Variants in PRMT3 observed in about 807,000 individuals in gnomAD.
PRMT3 encodes the protein protein arginine methyltransferase 3.
Under a neutral mutation model 71.9 loss-of-function variants are expected in PRMT3, and 62 were observed. That is an observed-to-expected ratio of 0.86 (90% CI 0.70 to 1.07). The LOEUF (loss-of-function observed/expected upper bound fraction) is 1.07, where lower values mean the gene tolerates loss of function less well. Ranked by LOEUF, PRMT3 falls within the 50% of genes least tolerant of loss-of-function variation. The pLI, the probability that PRMT3 is intolerant of heterozygous loss-of-function variation, is 0.00. For missense variants in PRMT3, 663 were observed against 643.0 expected, an observed-to-expected ratio of 1.03 and a Z score of -0.34; for synonymous variants, 213 against 220.4, an observed-to-expected ratio of 0.97 and a Z score of 0.30.
intron 9 of PRMT3, among the ~76,000 whole-genome samples, chr11:20,420,246 T>G (rs1020911363): frequency 2.0e-5 from 3 of 152,280 alleles, no homozygotes; most frequent in Admixed American, 2.0e-4. Context: ...TGGTTAAATA[T>G]GAGAAAATCA....
chr11:20,467,668 C>G (rs1319298749), intron 13 of PRMT3, among the ~76,000 whole-genome samples: 1 of 152,152 alleles, frequency 6.6e-6, no homozygotes, highest in African/African-American at 2.4e-5. Context: ...AAATCAGTAC[C>G]AGAGTTCATC....
intron 9 of PRMT3, 89 bp from the exon 10 acceptor site, chr11:20,426,677 A>G (rs1211164860): frequency 1.6e-6 from 2 of 1,250,648 alleles, no homozygotes; most frequent in African/African-American, 3.2e-5. Context: ...GTCCCACAAA[A>G]CAATACGAGT....
intron 9 of PRMT3, among the ~76,000 whole-genome samples, chr11:20,423,333 C>T (rs1308213023): frequency 6.6e-6 from 1 of 152,098 alleles, no homozygotes; most frequent in African/African-American, 2.4e-5. Flanking sequence ...AGATATTTTT[C>T]TCTACATATA....
rs758363411 is a variant in PRMT3, at chr11:20,387,997, G to C, written c.29-22G>C. The C allele has an allele frequency of 9.3e-6, 15 of 1,613,424 alleles. No individual in the cohort carries two copies. The highest frequency in any genetic ancestry group is 1.6e-4 in the Middle Eastern group (1 of 6,082). ...CCGCACCGGTGTCCGAGGCCGATCT[G>C]ATTGTTGTGTGTGTGTGTTAGGCGG... On this transcript the variant is annotated intron_variant, in intron 1 of 15. Transcript: ENST00000331079. The surrounding 1 kb of genome is among the most constrained non-coding windows in gnomAD (Gnocchi z 4.3).
In PRMT3 at chr11:20,492,914, G is replaced by A. The variant is rs199818850; in HGVS notation, c.1348-1005G>A. On this transcript the variant is annotated intron_variant, in intron 13 of 15. Transcript: ENST00000331079. Reference sequence around the variant, plus strand: ...TCTACTAAAAATATAAAAATTAGCCGGGTGTGGTGGCGCACGCCTGTAGTC... The same window carrying A: ...TCTACTAAAAATATAAAAATTAGCCAGGTGTGGTGGCGCACGCCTGTAGTC... Among the ~76,000 whole-genome samples, 20 of 152,064 alleles carry A rather than the reference G, an allele frequency of 1.3e-4. No homozygotes were observed. In the East Asian group the frequency reaches 2.7e-3, roughly 21 times the overall value.
rs116509484 is a variant in PRMT3 at position 20,458,253 on chromosome 11, A to G, written c.1073-3727A>G. ...AAATCTTTTTACTCTGTGGTTATTT[A>G]TACAAACAGTGATACAAAATTCCTA... On this transcript the variant is annotated intron_variant, in intron 11 of 15. Coordinates refer to ENST00000331079, the MANE Select transcript of PRMT3 (RefSeq NM_005788.4). 1.9e-3 allele frequency among the ~76,000 whole-genome samples: 294 copies of G among 152,292 alleles called. 2 individuals carry two copies. The highest frequency in any genetic ancestry group is 6.6e-3 in the African/African-American group (276 of 41,564).
intron 9 of PRMT3, among the ~76,000 whole-genome samples, chr11:20,412,220 C>G (rs1215959251): frequency 6.6e-6 from 1 of 151,994 alleles, no homozygotes; most frequent in African/African-American, 2.4e-5. Flanking sequence ...ACCTTTTTGT[C>G]TTACCTCATG....
At chr11:20,505,777 C>T (rs1031264458) in intron 15 of PRMT3, among the ~76,000 whole-genome samples, 6 of 151,098 alleles carry the variant, frequency 4.0e-5, no homozygotes, top group African/African-American at 7.3e-5. Flanking sequence ...GATAAGAAAA[C>T]GTGTATCATT....
intron 13 of PRMT3, among the ~76,000 whole-genome samples, chr11:20,469,049 G>A (rs1382187938): frequency 6.6e-6 from 1 of 152,092 alleles, no homozygotes; most frequent in African/African-American, 2.4e-5. Context: ...ATGAGTACTG[G>A]TACCACATAG....
intron 13 of PRMT3, among the ~76,000 whole-genome samples, chr11:20,493,202 A>G (rs1216532908): frequency 1.3e-5 from 2 of 152,170 alleles, no homozygotes; most frequent in Non-Finnish European, 2.9e-5. Flanking sequence ...TCCTTTGAGT[A>G]CTTGCTTAAA....
At chr11:20,448,992 A>G (rs1850090656) in intron 10 of PRMT3, among the ~76,000 whole-genome samples, 2 of 152,098 alleles carry the variant, frequency 1.3e-5, no homozygotes, top group South Asian at 4.1e-4. Flanking sequence ...TTTGGACCAG[A>G]GCCTTCTGAT....
chr11:20,488,396 G>C (rs1233605237), intron 13 of PRMT3, among the ~76,000 whole-genome samples: 1 of 152,086 alleles, frequency 6.6e-6, no homozygotes, highest in African/African-American at 2.4e-5. Flanking sequence ...GCTTGCTTCA[G>C]ACTCATCAGT....
At chr11:20,462,626 A>G (rs577163935) in intron 12 of PRMT3, among the ~76,000 whole-genome samples, 2 of 152,244 alleles carry the variant, frequency 1.3e-5, no homozygotes, top group East Asian at 1.9e-4. Flanking sequence ...AAATTTGCCC[A>G]TGAAACGAAA....
chr11:20,411,039 T>G (rs1422825646), intron 9 of PRMT3, among the ~76,000 whole-genome samples: 1 of 152,114 alleles, frequency 6.6e-6, no homozygotes, highest in Non-Finnish European at 1.5e-5. Context: ...TAACTTAAAG[T>G]TAACTCAGCT....
chr11:20,454,496 C>T (rs1850223708), intron 11 of PRMT3, among the ~76,000 whole-genome samples: 1 of 152,110 alleles, frequency 6.6e-6, no homozygotes, highest in Admixed American at 6.5e-5. Flanking sequence ...TAAGATAATA[C>T]AGGGGTATAT....
chr11:20,508,587 A>G lies in PRMT3; in HGVS notation c.*174A>G, dbSNP rs779474588. On this transcript the variant is annotated 3_prime_UTR_variant, in exon 16 of 16. Coordinates refer to ENST00000331079, the MANE Select transcript of PRMT3 (RefSeq NM_005788.4). ...GAATCTGACATAGTTCAGCTGAGGA[A>G]GAGAATCAGCTGATCCTCATGGTCT... is the stretch of plus-strand genomic sequence containing the variant. 2 of 696,228 alleles carry G rather than the reference A, an allele frequency of 2.9e-6. No individual in the cohort carries two copies. Among genetic ancestry groups the G allele is most frequent in the South Asian group, 3.0e-5 (2 of 66,714 alleles). 43.1% of individuals were successfully genotyped at this position (696,228 alleles called of 1,614,324 possible). A position where few individuals can be genotyped will look rare whatever the true frequency, so the allele number is the denominator to read the frequency against.
At chr11:20,439,890 A>G (rs1170907232) in intron 10 of PRMT3, among the ~76,000 whole-genome samples, 1 of 152,190 alleles carries the variant, frequency 6.6e-6, no homozygotes, top group Non-Finnish European at 1.5e-5. Flanking sequence ...AAAGTATACT[A>G]CAGCAATTAA....
chr11:20,437,353 T>C (rs1849782365), intron 10 of PRMT3, among the ~76,000 whole-genome samples: 1 of 152,228 alleles, frequency 6.6e-6, no homozygotes, highest in Non-Finnish European at 1.5e-5. Context: ...TTTGAAATCA[T>C]TCAACTTTTT....
chr11:20,505,329 G>C (rs1037300993), intron 15 of PRMT3, among the ~76,000 whole-genome samples: 2 of 152,000 alleles, frequency 1.3e-5, no homozygotes, highest in African/African-American at 4.8e-5. Flanking sequence ...GGTCTCTGGA[G>C]GTCATTTTGT....
Sources: allele counts gnomAD v4.1 joint callset (sites outside exome capture counted in the v4.1 genomes callset), GRCh38; gene constraint gnomAD v4.1.1; non-coding constraint Gnocchi (gnomAD v3.1); transcripts MANE v1.5; gene names NCBI Gene and HGNC (gene_info 2026-07-23, HGNC 2026-07-21).